DNAH6: variants seen among roughly 807,000 people sequenced by gnomAD.
DNAH6 encodes the protein axonemal beta dynein heavy chain 6.
In DNAH6, 340 loss-of-function variants were observed where a neutral mutation model predicts 491.4. The observed-to-expected ratio is 0.69, with a 90% CI of 0.63 to 0.76. The LOEUF is 0.76. DNAH6 is among the 30% of genes least tolerant of loss of function. The probability of loss-of-function intolerance (pLI) is 0.00; values close to 1 mark genes in which losing one functional copy is unlikely to be tolerated. For missense variants in DNAH6, 4,443 were observed against 4,972.2 expected, an observed-to-expected ratio of 0.89 and a Z score of 3.20; for synonymous variants, 1,603 against 1,686.1, an observed-to-expected ratio of 0.95 and a Z score of 1.21.
chr2:84,571,731 G>C (rs1269851014), intron 11 of DNAH6, among the ~76,000 whole-genome samples: 1 of 150,074 alleles, frequency 6.7e-6, no homozygotes, highest in African/African-American at 2.5e-5. Context: ...GGCCAAGACT[G>C]TGAAACCCCA....
intron 15 of DNAH6, among the ~76,000 whole-genome samples, chr2:84,585,621 G>T (rs1683459971): frequency 6.6e-6 from 1 of 152,034 alleles, no homozygotes; most frequent in Non-Finnish European, 1.5e-5. Flanking sequence ...GGAGAGGGTA[G>T]CTCCCCTCTG....
At chr2:84,776,005 G>A (rs1433686065) in intron 64 of DNAH6, among the ~76,000 whole-genome samples, 1 of 152,088 alleles carries the variant, frequency 6.6e-6, no homozygotes, top group Non-Finnish European at 1.5e-5. Context: ...AAGGTTTATT[G>A]GGGGTTTTAG....
chr2:84,635,063 G>A (rs771037162), intron 30 of DNAH6, among the ~76,000 whole-genome samples: 4 of 152,060 alleles, frequency 2.6e-5, no homozygotes, highest in South Asian at 2.1e-4. Context: ...TGGCCCTTTC[G>A]GAAGAGCCCC....
In DNAH6 at chr2:84,584,138, T is replaced by C. The variant is rs2104043901; in HGVS notation, c.2369T>C (p.Ile790Thr). 11 of 1,614,198 alleles carry C rather than the reference T, an allele frequency of 6.8e-6. No homozygotes were observed. The highest frequency in any genetic ancestry group is 9.3e-6 in the Non-Finnish European group (11 of 1,180,034). Residue 790 changes from isoleucine to threonine, a missense_variant, in exon 15 of 77, where the codon ATT becomes ACT. By Grantham distance (89) the Ile-to-Thr change is moderately conservative. Coordinates refer to ENST00000389394, the MANE Select transcript of DNAH6 (RefSeq NM_001370.2). Reference sequence around the variant, plus strand: ...TCCATTGTTGCTGTTCGGAATGCCATTGATAAATCAGTGGGTGATAGAGAA... The same window carrying C: ...TCCATTGTTGCTGTTCGGAATGCCACTGATAAATCAGTGGGTGATAGAGAA... ...KPSIVAVRNAIDKSVGDRESS... is the reference protein window; with the variant it reads ...KPSIVAVRNATDKSVGDRESS...
At chr2:84,468,302 A>AT in the DNAH6 span, among the ~76,000 whole-genome samples, 2 of 152,172 alleles carry the variant, frequency 1.3e-5, no homozygotes, top group South Asian at 2.1e-4. Flanking sequence ...TAGTTGTAAG[A>AT]TTTTTCATTT....
chr2:84,496,861 T>C, the DNAH6 span, among the ~76,000 whole-genome samples: 2 of 152,084 alleles, frequency 1.3e-5, no homozygotes, highest in Non-Finnish European at 2.9e-5. Context: ...TGCCAGTTAA[T>C]CTCCTACCCC....
At chr2:84,690,694 G>C (rs2104776204) in intron 45 of DNAH6, among the ~76,000 whole-genome samples, 1 of 152,342 alleles carries the variant, frequency 6.6e-6, no homozygotes, top group South Asian at 2.1e-4. Flanking sequence ...TGTAAATAAT[G>C]ATGTAGACTG....
intron 3 of DNAH6, among the ~76,000 whole-genome samples, chr2:84,527,721 T>C (rs1421811471): frequency 6.6e-6 from 1 of 152,190 alleles, no homozygotes; most frequent in Non-Finnish European, 1.5e-5. Context: ...CCTTCAGCTC[T>C]GAACTTGCTA....
intron 36 of DNAH6, 121 bp from the exon 37 acceptor site, chr2:84,658,905 C>G (rs1691223312): frequency 1.7e-6 from 1 of 590,256 alleles, no homozygotes; most frequent in Non-Finnish European, 2.8e-6. Context: ...GAAATATACA[C>G]TGTGCCCATT....
chr2:84,529,690 C>T (rs1326694160), intron 4 of DNAH6, among the ~76,000 whole-genome samples: 2 of 152,112 alleles, frequency 1.3e-5, no homozygotes, highest in Admixed American at 1.3e-4. Flanking sequence ...CTGCAAGTTG[C>T]TTTGAAGTTC....
chr2:84,730,100 G>A (rs1040332115), intron 61 of DNAH6, among the ~76,000 whole-genome samples: 1 of 152,014 alleles, frequency 6.6e-6, no homozygotes, highest in African/African-American at 2.4e-5. Flanking sequence ...ATACATGCCC[G>A]ATGGAATCTG....
chr2:84,614,234 CTT>C (rs1686609091), intron 22 of DNAH6, among the ~76,000 whole-genome samples: 1 of 152,048 alleles, frequency 6.6e-6, no homozygotes, highest in Non-Finnish European at 1.5e-5. Flanking sequence ...CATTCTTACA[CTT>C]TTGTGTCCTC....
intron 11 of DNAH6, among the ~76,000 whole-genome samples, chr2:84,560,604 C>G (rs902561766): frequency 1.3e-5 from 2 of 151,318 alleles, no homozygotes; most frequent in Non-Finnish European, 2.9e-5. Context: ...TGCTATCCCT[C>G]CCCGCTTCCC....
intron 18 of DNAH6, among the ~76,000 whole-genome samples, chr2:84,597,832 G>T (rs1684757051): frequency 6.6e-6 from 1 of 152,186 alleles, no homozygotes; most frequent in Non-Finnish European, 1.5e-5. Flanking sequence ...TTAAAAACAT[G>T]ATGCTGGACT....
chr2:84,586,100 C>G (rs1683513813), intron 15 of DNAH6, among the ~76,000 whole-genome samples: 1 of 152,220 alleles, frequency 6.6e-6, no homozygotes, highest in Admixed American at 6.5e-5. Flanking sequence ...CTCTCCCTTC[C>G]AAGATCAGAG....
chr2:84,497,502 A>G, the DNAH6 span, among the ~76,000 whole-genome samples: 2 of 152,322 alleles, frequency 1.3e-5, no homozygotes, highest in African/African-American at 2.4e-5. Flanking sequence ...TATGGTGACT[A>G]TGTCCTTTAC....
the DNAH6 span, among the ~76,000 whole-genome samples, chr2:84,461,831 C>T: frequency 6.6e-6 from 1 of 152,176 alleles, no homozygotes; most frequent in Non-Finnish European, 1.5e-5. Flanking sequence ...AGCCTTACCT[C>T]CACATCCATA....
At chr2:84,671,044 G>A (rs373582009) in intron 39 of DNAH6, among the ~76,000 whole-genome samples, 72 of 152,232 alleles carry the variant, frequency 4.7e-4, no homozygotes, top group Admixed American at 1.4e-3. Context: ...CTCCAGGTAC[G>A]TATGGGAGGT....
Position 84,642,011 on chromosome 2 carries a change from T to C in DNAH6, c.5035T>C (p.Ser1679Pro). The change falls in exon 33 of 77, where the codon TCC (serine) becomes CCC (proline). Residue 1679 changes from serine (S) to proline (P), a missense_variant. Transcript: ENST00000389394. ...DVVLIRALQD[S>P]NLPKFLTDDA... ...GGTGTTGATAAGAGCTTTACAAGAC[T>C]CCAATTTGCCAAAATTTCTAACAGA... is the stretch of plus-strand genomic sequence containing the variant. 6.4e-7 allele frequency: 1 copy of C among 1,551,038 alleles called. No homozygotes were observed. The highest frequency in any genetic ancestry group is 8.7e-7 in the Non-Finnish European group (1 of 1,146,614).
Sources: gnomAD v4.1 joint callset for allele counts (sites outside exome capture counted in the v4.1 genomes callset) on GRCh38, gnomAD v4.1.1 for gene constraint, MANE v1.5 for transcripts, NCBI Gene and HGNC (gene_info 2026-07-23, HGNC 2026-07-21) for gene names.